GALNTL6: variants seen among roughly 807,000 people sequenced by gnomAD.
GALNTL6 encodes the protein polypeptide N-acetylgalactosaminyltransferase-like 6.
In GALNTL6, 46 loss-of-function variants were observed where a neutral mutation model predicts 73.7. That is an observed-to-expected ratio of 0.62 (90% CI 0.49 to 0.80). The LOEUF is 0.80. GALNTL6 is among the 30% of genes least tolerant of loss of function. The pLI, the probability that GALNTL6 is intolerant of heterozygous loss-of-function variation, is 0.00. For synonymous variants in GALNTL6, 259 were observed against 263.7 expected (o/e 0.98, Z 0.17); for missense variants, 604 against 755.0 (o/e 0.80, Z 2.34).
At chr4:172,629,411 A>G (rs1260606606) in intron 5 of GALNTL6, among the ~76,000 whole-genome samples, 2 of 152,140 alleles carry the variant, frequency 1.3e-5, no homozygotes, top group Admixed American at 1.3e-4. Context: ...TGAGAATCGG[A>G]ATTGAATTTT....
At chr4:172,083,521 G>T (rs1466709567) in intron 2 of GALNTL6, among the ~76,000 whole-genome samples, 1 of 152,178 alleles carries the variant, frequency 6.6e-6, no homozygotes, top group Non-Finnish European at 1.5e-5. Flanking sequence ...TGCATTAACT[G>T]TATTTTCTAC....
intron 5 of GALNTL6, among the ~76,000 whole-genome samples, chr4:172,398,387 C>A (rs531350120): frequency 2.6e-5 from 4 of 152,230 alleles, no homozygotes; most frequent in Admixed American, 2.6e-4. Flanking sequence ...TTTATGAAAA[C>A]AATGGCTGAT....
At chr4:172,665,164 C>G (rs1731590353) in intron 5 of GALNTL6, among the ~76,000 whole-genome samples, 1 of 152,164 alleles carries the variant, frequency 6.6e-6, no homozygotes, top group Non-Finnish European at 1.5e-5. Context: ...ATCATTAAGC[C>G]AAAGCCACAC....
At chr4:172,064,488 G>A (rs1367413053) in intron 2 of GALNTL6, among the ~76,000 whole-genome samples, 1 of 152,184 alleles carries the variant, frequency 6.6e-6, no homozygotes, top group Non-Finnish European at 1.5e-5. Context: ...TCACACTTCT[G>A]AGACGTGGGA....
chr4:172,137,728 C>T (rs1423828357), intron 2 of GALNTL6, among the ~76,000 whole-genome samples: 2 of 152,156 alleles, frequency 1.3e-5, no homozygotes, highest in Admixed American at 6.5e-5. Context: ...GAGCTCTTTC[C>T]CTGAATTTTC....
chr4:171,984,321 T>C (rs777143012), intron 2 of GALNTL6, among the ~76,000 whole-genome samples: 4 of 152,170 alleles, frequency 2.6e-5, no homozygotes, highest in Non-Finnish European at 4.4e-5. Context: ...CAGTACCAGC[T>C]TCCTGTCTTA....
At chr4:171,942,104 A>T (rs1738563782) in intron 2 of GALNTL6, among the ~76,000 whole-genome samples, 1 of 152,008 alleles carries the variant, frequency 6.6e-6, no homozygotes, top group Non-Finnish European at 1.5e-5. Context: ...AAACATTTAA[A>T]AATAGGCTGC....
intron 3 of GALNTL6, among the ~76,000 whole-genome samples, chr4:172,287,546 A>G (rs1286810124): frequency 1.3e-5 from 2 of 152,206 alleles, no homozygotes; most frequent in Admixed American, 1.3e-4. Context: ...TATTACCTAG[A>G]AATAACTACT....
At chr4:172,854,444 A>C (rs1744018290) in intron 7 of GALNTL6, among the ~76,000 whole-genome samples, 1 of 152,220 alleles carries the variant, frequency 6.6e-6, no homozygotes, top group African/African-American at 2.4e-5. Flanking sequence ...GGTAAATTTC[A>C]GCCAGCTGTG....
chr4:172,342,834 T>C (rs548484967), intron 4 of GALNTL6, among the ~76,000 whole-genome samples: 1 of 152,324 alleles, frequency 6.6e-6, no homozygotes, highest in East Asian at 1.9e-4. Context: ...TCTAGGCCCC[T>C]GGGCTGCATG....
chr4:172,780,841 T>C (rs1238679480), intron 5 of GALNTL6, among the ~76,000 whole-genome samples: 1 of 152,222 alleles, frequency 6.6e-6, no homozygotes, highest in Non-Finnish European at 1.5e-5. Flanking sequence ...CTGACACCTC[T>C]GGGCCCTGCA....
At chr4:171,846,481 G>T (rs906303296) in intron 2 of GALNTL6, among the ~76,000 whole-genome samples, 1 of 152,066 alleles carries the variant, frequency 6.6e-6, no homozygotes, top group Non-Finnish European at 1.5e-5. Context: ...GCTGGGGCTC[G>T]TTGGCTGCAT....
intron 5 of GALNTL6, among the ~76,000 whole-genome samples, chr4:172,373,983 C>T (rs1252219737): frequency 2.0e-5 from 3 of 152,174 alleles, no homozygotes; most frequent in Non-Finnish European, 4.4e-5. Flanking sequence ...ATGACATGAG[C>T]TGGCGCTTGC....
intron 7 of GALNTL6, among the ~76,000 whole-genome samples, chr4:172,847,494 A>G (rs1338273133): frequency 6.6e-6 from 1 of 151,884 alleles, no homozygotes; most frequent in Non-Finnish European, 1.5e-5. Flanking sequence ...GTATATGTTT[A>G]TATATATATT....
At chr4:172,833,676 C>G (rs1248753857) in intron 7 of GALNTL6, among the ~76,000 whole-genome samples, 1 of 152,198 alleles carries the variant, frequency 6.6e-6, no homozygotes, top group East Asian at 1.9e-4. Flanking sequence ...CTAACCCCAA[C>G]TCTAATGCCC....
intron 8 of GALNTL6, among the ~76,000 whole-genome samples, chr4:172,888,338 T>C (rs1385744042): frequency 3.9e-5 from 6 of 152,230 alleles, no homozygotes; most frequent in African/African-American, 1.4e-4. Flanking sequence ...TTTAAGTCTT[T>C]AATCTATCTC....
intron 2 of GALNTL6, among the ~76,000 whole-genome samples, chr4:171,929,660 A>G (rs1738113081): frequency 6.6e-6 from 1 of 152,134 alleles, no homozygotes; most frequent in African/African-American, 2.4e-5. Context: ...GTCAGACCGC[A>G]CCTCATTGCA....
intron 4 of GALNTL6, among the ~76,000 whole-genome samples, chr4:172,326,622 G>A (rs940827480): frequency 9.9e-5 from 15 of 152,012 alleles, no homozygotes; most frequent in Non-Finnish European, 1.9e-4. Context: ...GGAAGGAGGT[G>A]GCGATCTGGC....
chr4:172,855,407 T>C (rs1279061332), intron 7 of GALNTL6, among the ~76,000 whole-genome samples: 1 of 152,176 alleles, frequency 6.6e-6, no homozygotes, highest in Non-Finnish European at 1.5e-5. Context: ...TGAAACTCAA[T>C]TAATTTAAGT....
Sources: gnomAD v4.1 joint callset for allele counts (sites outside exome capture counted in the v4.1 genomes callset) on GRCh38, gnomAD v4.1.1 for gene constraint, MANE v1.5 for transcripts, NCBI Gene and HGNC (gene_info 2026-07-23, HGNC 2026-07-21) for gene names.